The following SLC24A2 variants were observed in gnomAD, a reference collection of about 807,000 sequenced individuals.
SLC24A2 encodes the protein sodium/potassium/calcium exchanger 2.
A neutral mutation model predicts 62.0 loss-of-function variants in SLC24A2; 36 were observed. The ratio of observed to expected loss-of-function variants is 0.58; its 90% CI spans 0.44 to 0.77. The LOEUF (loss-of-function observed/expected upper bound fraction) is 0.77, where lower values mean the gene tolerates loss of function less well. SLC24A2 is among the 30% of genes least tolerant of loss of function. The probability of loss-of-function intolerance (pLI) is 0.00; values close to 1 mark genes in which losing one functional copy is unlikely to be tolerated. For synonymous variants in SLC24A2, 358 were observed against 294.0 expected, an observed-to-expected ratio of 1.22 and a Z score of -2.23; for missense variants, 846 against 817.9, an observed-to-expected ratio of 1.03 and a Z score of -0.42.
At chr9:19,589,947 C>T (rs1468376293) in intron 5 of SLC24A2, among the ~76,000 whole-genome samples, 1 of 152,098 alleles carries the variant, frequency 6.6e-6, no homozygotes, top group Non-Finnish European at 1.5e-5. Flanking sequence ...AGACTCACTC[C>T]CTTCTGAGGC....
chr9:20,052,420 A>G, the SLC24A2 span, among the ~76,000 whole-genome samples: 1 of 152,226 alleles, frequency 6.6e-6, no homozygotes, highest in African/African-American at 2.4e-5. Context: ...ACAATGAGGC[A>G]CTGAAATAAG....
the SLC24A2 span, among the ~76,000 whole-genome samples, chr9:20,104,907 T>C: frequency 1.3e-5 from 2 of 152,176 alleles, no homozygotes; most frequent in Admixed American, 6.5e-5. Context: ...ACTGGCAAAC[T>C]GGATAAAGAG....
the SLC24A2 span, among the ~76,000 whole-genome samples, chr9:19,915,747 C>G: frequency 3.3e-5 from 5 of 151,982 alleles, no homozygotes; most frequent in East Asian, 1.9e-4. Flanking sequence ...GGAGAACTAT[C>G]TATTCACATT....
At chr9:19,949,616 G>A in the SLC24A2 span, among the ~76,000 whole-genome samples, 2 of 152,154 alleles carry the variant, frequency 1.3e-5, no homozygotes, top group Non-Finnish European at 2.9e-5. Context: ...AGCCTTCCTT[G>A]CAGCTAGGTG....
chr9:20,299,317 G>A, the SLC24A2 span, among the ~76,000 whole-genome samples: 1 of 152,174 alleles, frequency 6.6e-6, no homozygotes, highest in Non-Finnish European at 1.5e-5. Flanking sequence ...AAGGAGCTTG[G>A]GGACATGAAG....
chr9:19,731,299 T>C (rs1229255864), intron 2 of SLC24A2, among the ~76,000 whole-genome samples: 1 of 152,196 alleles, frequency 6.6e-6, no homozygotes, highest in Non-Finnish European at 1.5e-5. Flanking sequence ...ACATTTCTTG[T>C]GAGGATTATA....
Position 19,742,135 on chromosome 9 carries a change from G to A in SLC24A2, c.930+43802C>T, listed in dbSNP as rs182999965. ...GCCAAATTCTATCTCAGAAGCAATT[G>A]CCATAAAAGTGTTGATGTCATAAGC... On this transcript the variant is annotated intron_variant, in intron 2 of 10. Transcript: ENST00000341998. Among the ~76,000 whole-genome samples, 15 of 152,254 alleles carry A rather than the reference G, an allele frequency of 9.9e-5. No homozygotes were observed. The East Asian group carries it at 2.9e-3, about 29-fold the overall frequency.
At chr9:20,046,007 A>T in the SLC24A2 span, among the ~76,000 whole-genome samples, 1 of 151,692 alleles carries the variant, frequency 6.6e-6, no homozygotes, top group African/African-American at 2.4e-5. Context: ...AGGTCTACTC[A>T]CCCCCAGGCT....
intron 3 of SLC24A2, among the ~76,000 whole-genome samples, chr9:19,622,016 T>C (rs890599819): frequency 1.3e-5 from 2 of 152,206 alleles, no homozygotes; most frequent in Admixed American, 6.5e-5. Context: ...CAAAAGTTCA[T>C]ACCAAATGGA....
the SLC24A2 span, among the ~76,000 whole-genome samples, chr9:20,018,606 C>A: frequency 6.6e-6 from 1 of 151,948 alleles, no homozygotes; most frequent in Non-Finnish European, 1.5e-5. Flanking sequence ...ACTTTTATAG[C>A]TTAAAAATTA....
rs1381161029 is a variant in SLC24A2 at position 19,510,931 on chromosome 9, AG to A, written c.*5221del. 3.3e-5 allele frequency: 5 copies of A among 152,156 alleles called. No individual in the cohort carries two copies. The highest frequency in any genetic ancestry group is 4.8e-5 in the African/African-American group (2 of 41,402). The allele number at this position is 152,156 out of a possible 1,614,324, so 9.4% of individuals were successfully genotyped here. ...ACTCTTTCTTAAGAAATCTGTCCCT[AG>A]CCATATTAAGGGCCTCTGTGGAGTT... On this transcript the variant is annotated 3_prime_UTR_variant, in exon 11 of 11. Coordinates refer to ENST00000341998, the MANE Select transcript of SLC24A2 (RefSeq NM_020344.4).
intron 8 of SLC24A2, among the ~76,000 whole-genome samples, chr9:19,530,387 A>G (rs933744238): frequency 6.6e-6 from 1 of 152,172 alleles, no homozygotes; most frequent in Non-Finnish European, 1.5e-5. Context: ...TACATGCCTT[A>G]AGGTGTGGCA....
the SLC24A2 span, among the ~76,000 whole-genome samples, chr9:20,287,009 C>G: frequency 6.6e-6 from 1 of 152,166 alleles, no homozygotes; most frequent in Non-Finnish European, 1.5e-5. Flanking sequence ...CTTGACCCTA[C>G]CCCAGGGCTT....
At chr9:19,564,493 C>T (rs1464210061) in intron 7 of SLC24A2, among the ~76,000 whole-genome samples, 3 of 151,918 alleles carry the variant, frequency 2.0e-5, no homozygotes, top group Non-Finnish European at 4.4e-5. Flanking sequence ...GCATATTACA[C>T]ATTCTCTGTC....
chr9:20,202,435 C>T, the SLC24A2 span, among the ~76,000 whole-genome samples: 1 of 152,078 alleles, frequency 6.6e-6, no homozygotes. Flanking sequence ...TTTCGACAGG[C>T]GCATTTGTGT....
intron 4 of SLC24A2, among the ~76,000 whole-genome samples, chr9:19,612,474 C>T (rs188113413): frequency 6.6e-6 from 1 of 152,168 alleles, no homozygotes; most frequent in Non-Finnish European, 1.5e-5. Context: ...GCCAACATGC[C>T]CAGTGTATAT....
At chr9:20,276,005 C>G in the SLC24A2 span, among the ~76,000 whole-genome samples, 1 of 152,144 alleles carries the variant, frequency 6.6e-6, no homozygotes, top group Non-Finnish European at 1.5e-5. Flanking sequence ...ATGGGAGCTA[C>G]AATTCAAGGT....
At chr9:19,899,362 A>G in the SLC24A2 span, among the ~76,000 whole-genome samples, 9 of 152,328 alleles carry the variant, frequency 5.9e-5, 1 homozygote, top group African/African-American at 1.4e-4. Context: ...AAGGCACTCA[A>G]TTCTGGCCAA....
intron 4 of SLC24A2, among the ~76,000 whole-genome samples, chr9:19,616,701 G>C (rs1056259000): frequency 6.6e-6 from 1 of 151,966 alleles, no homozygotes; most frequent in Non-Finnish European, 1.5e-5. Flanking sequence ...TAGAGTCCCT[G>C]GTCTCAAGAA....
Sources: allele counts gnomAD v4.1 joint callset (sites outside exome capture counted in the v4.1 genomes callset), GRCh38; gene constraint gnomAD v4.1.1; transcripts MANE v1.5; gene names NCBI Gene and HGNC (gene_info 2026-07-23, HGNC 2026-07-21).